The following LRRD1 variants were observed in gnomAD, a reference collection of about 807,000 sequenced individuals.
LRRD1 encodes leucine rich repeats and death domain containing 1.
A neutral mutation model predicts 69.5 loss-of-function variants in LRRD1; 49 were observed. That is an observed-to-expected ratio of 0.70 (90% CI 0.56 to 0.89). LRRD1 has a LOEUF of 0.89. LRRD1 is among the 40% of genes least tolerant of loss of function. The pLI is 0.00. For synonymous variants in LRRD1, 303 were observed against 338.9 expected, an observed-to-expected ratio of 0.89 and a Z score of 1.16; for missense variants, 853 against 956.0, an observed-to-expected ratio of 0.89 and a Z score of 1.42.
chr7:92,149,703 A>T (rs13230837), intron 4 of LRRD1, among the ~76,000 whole-genome samples: 10 of 152,034 alleles, frequency 6.6e-5, no homozygotes, highest in African/African-American at 2.4e-4. Context: ...AATGTATTTT[A>T]TTTATTTATT....
intron 1 of LRRD1, among the ~76,000 whole-genome samples, chr7:92,170,888 C>G (rs1395806423): frequency 6.6e-6 from 1 of 152,098 alleles, no homozygotes; most frequent in African/African-American, 2.4e-5. Flanking sequence ...AAATCAATAT[C>G]AAGAGGAACC....
rs202198882 is a variant in LRRD1, at chr7:92,170,558, G to A, written c.-74-5282C>T. ...CAGCAGACTGAAATACAATAAAGGC[G>A]TTCTAATTTGTCTGGCAACAGACTG... On this transcript the variant is annotated intron_variant, in intron 1 of 5. Coordinates refer to ENST00000458448, the MANE Select transcript of LRRD1 (RefSeq NM_001161528.2). Among the ~76,000 whole-genome samples, 9 of 152,264 alleles carry A rather than the reference G, an allele frequency of 5.9e-5. No homozygotes were observed. The East Asian group carries it at 1.2e-3, about 20-fold the overall frequency.
intron 1 of LRRD1, among the ~76,000 whole-genome samples, chr7:92,170,253 C>T (rs1459921089): frequency 6.6e-6 from 1 of 151,982 alleles, no homozygotes; most frequent in East Asian, 1.9e-4. Context: ...CAAAAAATTA[C>T]CTCAAAGTAC....
intron 1 of LRRD1, among the ~76,000 whole-genome samples, chr7:92,175,563 G>T (rs892769548): frequency 5.3e-5 from 8 of 152,006 alleles, no homozygotes; most frequent in African/African-American, 1.7e-4. Flanking sequence ...CAGGAGAATC[G>T]CCTGAACCCA....
chr7:92,170,114 A>C (rs1412498698), intron 1 of LRRD1, among the ~76,000 whole-genome samples: 2 of 149,808 alleles, frequency 1.3e-5, no homozygotes, highest in Non-Finnish European at 3.0e-5. Flanking sequence ...GAGAGAGAGG[A>C]AGGAAGGAAG....
intron 1 of LRRD1, among the ~76,000 whole-genome samples, chr7:92,175,130 C>G (rs1789164115): frequency 6.6e-6 from 1 of 152,110 alleles, no homozygotes; most frequent in East Asian, 1.9e-4. Flanking sequence ...TATCTCCACT[C>G]AAAGTTTCTC....
At chr7:92,167,606 G>C (rs1215110454) in intron 1 of LRRD1, among the ~76,000 whole-genome samples, 1 of 151,574 alleles carries the variant, frequency 6.6e-6, no homozygotes, top group Admixed American at 6.6e-5. Flanking sequence ...AGCCGGGCGC[G>C]GTGGCTCACG....
chr7:92,152,264 C>A (rs764008540), intron 3 of LRRD1, among the ~76,000 whole-genome samples: 1 of 151,326 alleles, frequency 6.6e-6, no homozygotes, highest in Non-Finnish European at 1.5e-5. Flanking sequence ...AGCACATAGT[C>A]TTTAGGGTCT....
At chr7:92,174,911 TA>T (rs1201623115) in intron 1 of LRRD1, among the ~76,000 whole-genome samples, 2 of 151,294 alleles carry the variant, frequency 1.3e-5, no homozygotes, top group African/African-American at 4.9e-5. Flanking sequence ...AAAATAAAAA[TA>T]AAAAAATTAG....
intron 3 of LRRD1, among the ~76,000 whole-genome samples, chr7:92,156,433 T>C (rs1469154661): frequency 2.0e-5 from 3 of 152,240 alleles, no homozygotes; most frequent in Non-Finnish European, 4.4e-5. Flanking sequence ...TGTCTTCCAA[T>C]TTATAAACAC....
chr7:92,143,283 C>T (rs184140429), downstream of LRRD1, among the ~76,000 whole-genome samples: 10 of 152,328 alleles, frequency 6.6e-5, no homozygotes, highest in Admixed American at 5.2e-4. Context: ...CCACCAGACT[C>T]AGGAGCCCAG....
chr7:92,163,185 A>G, intron 2 of LRRD1, 101 bp downstream of exon 2: 3 of 710,346 alleles, frequency 4.2e-6, no homozygotes, highest in Non-Finnish European at 4.1e-6. Flanking sequence ...TTTCAGCTCA[A>G]CTTAAAACAC....
downstream of LRRD1, among the ~76,000 whole-genome samples, chr7:92,143,516 G>T (rs1005873418): frequency 1.3e-5 from 2 of 152,170 alleles, no homozygotes; most frequent in African/African-American, 4.8e-5. Flanking sequence ...CCTGCCCCGC[G>T]GGAAGGCAGC....
intron 1 of LRRD1, among the ~76,000 whole-genome samples, chr7:92,169,479 C>A (rs1289939107): frequency 6.6e-6 from 1 of 151,556 alleles, no homozygotes; most frequent in African/African-American, 2.4e-5. Flanking sequence ...GGTGAAATCC[C>A]ATCTCTACTA....
chr7:92,174,495 ATATATATATATATATTTTTTTTTTTT>A (rs1789131001), intron 1 of LRRD1, among the ~76,000 whole-genome samples: 1 of 17,206 alleles, frequency 5.8e-5, no homozygotes, highest in South Asian at 1.8e-3. Context: ...ATATATATAT[ATATATATATATATATTTTTTTTTTTT>A]TTTTTTTTTT....
chr7:92,152,752 C>A (rs959087899), intron 3 of LRRD1, among the ~76,000 whole-genome samples: 2 of 151,482 alleles, frequency 1.3e-5, no homozygotes, highest in African/African-American at 4.9e-5. Context: ...CTCACTGCAA[C>A]CTCCACCTCC....
downstream of LRRD1, chr7:92,142,591 G>T (rs987757239): frequency 1.3e-5 from 6 of 451,936 alleles, no homozygotes; most frequent in Middle Eastern, 4.1e-4. Flanking sequence ...CAAGTATGAA[G>T]CCGACCCTCA....
intron 1 of LRRD1, among the ~76,000 whole-genome samples, chr7:92,174,511 T>TATATATA (rs1563195897): frequency 7.1e-4 from 19 of 26,694 alleles, no homozygotes; most frequent in South Asian, 2.3e-3. Flanking sequence ...ATATATATAT[T>TATATATA]TTTTTTTTTT....
At chr7:92,150,952 A>G (rs1563189142) in intron 3 of LRRD1, among the ~76,000 whole-genome samples, 1 of 152,222 alleles carries the variant, frequency 6.6e-6, no homozygotes, top group Non-Finnish European at 1.5e-5. Context: ...AACTTTATAG[A>G]GTGGATGTGA....
Sources: gnomAD v4.1 joint callset for allele counts (sites outside exome capture counted in the v4.1 genomes callset) on GRCh38, gnomAD v4.1.1 for gene constraint, MANE v1.5 for transcripts, NCBI Gene and HGNC (gene_info 2026-07-23, HGNC 2026-07-21) for gene names.